The following ERGIC2 variants were observed in gnomAD, a reference collection of about 807,000 sequenced individuals.
ERGIC2 encodes the protein endoplasmic reticulum-Golgi intermediate compartment protein 2.
In ERGIC2, 31 loss-of-function variants were observed where a neutral mutation model predicts 52.5. The observed-to-expected ratio is 0.59, with a 90% CI of 0.44 to 0.80. The LOEUF (loss-of-function observed/expected upper bound fraction) is 0.80. Ranked by LOEUF, ERGIC2 falls within the 30% of genes least tolerant of loss-of-function variation. The probability of loss-of-function intolerance (pLI) is 0.00; values close to 1 mark genes in which losing one functional copy is unlikely to be tolerated. For synonymous variants in ERGIC2, 129 were observed against 140.6 expected, an observed-to-expected ratio of 0.92 and a Z score of 0.58; for missense variants, 395 against 455.2, an observed-to-expected ratio of 0.87 and a Z score of 1.20.
chr12:29,361,753 AT>A, intron 5 of ERGIC2, 68 bp from the exon 6 acceptor site: 1 of 1,365,484 alleles, frequency 7.3e-7, no homozygotes, highest in Non-Finnish European at 1.0e-6. Flanking sequence ...ATAATTTAAA[AT>A]TTTTTCTTTG....
chr12:29,354,770 A>G (rs1940179317), intron 8 of ERGIC2, among the ~76,000 whole-genome samples: 1 of 152,168 alleles, frequency 6.6e-6, no homozygotes, highest in African/African-American at 2.4e-5. Flanking sequence ...AAAGGGACAT[A>G]ATATAGAGTC....
chr12:29,341,769 G>A lies in ERGIC2; in HGVS notation c.1036C>T (p.Arg346Cys), dbSNP rs750621603. 8 of 1,601,316 alleles carry A rather than the reference G, an allele frequency of 5.0e-6. No homozygotes were observed. Among genetic ancestry groups the A allele is most frequent in the South Asian group, 2.2e-5 (2 of 90,786 alleles). ...GKFIVEIICC[R>C]FRLGSYKPVN... ...GGTTTATAGGATCCAAGTCTGAAAC[G>A]ACAGCAAATTATTTCAACTATAAAT... The change falls in exon 13 of 14, where the codon CGT becomes TGT. Residue 346 changes from arginine to cysteine, a missense_variant. By Grantham distance (180) the Arg-to-Cys change is radical. Coordinates refer to ENST00000360150, the MANE Select transcript of ERGIC2 (RefSeq NM_016570.3).
chr12:29,354,700 G>A (rs1471725890), intron 8 of ERGIC2, among the ~76,000 whole-genome samples: 1 of 152,160 alleles, frequency 6.6e-6, no homozygotes, highest in Non-Finnish European at 1.5e-5. Context: ...CTCTCTGATA[G>A]TGTGAGTTAC....
chr12:29,372,626 G>A (rs998470012), intron 1 of ERGIC2: 1 of 151,872 alleles, frequency 6.6e-6, no homozygotes, highest in Non-Finnish European at 1.5e-5. Flanking sequence ...AAATTAAGGT[G>A]AAGCATCTTT....
chr12:29,379,107 T>A (rs1468092315), intron 1 of ERGIC2, among the ~76,000 whole-genome samples: 1 of 152,154 alleles, frequency 6.6e-6, no homozygotes, highest in Admixed American at 6.5e-5. Context: ...GATAACAGAA[T>A]AACCTTAAAA....
At chr12:29,360,971 G>A (rs1353010500) in intron 6 of ERGIC2, among the ~76,000 whole-genome samples, 2 of 152,240 alleles carry the variant, frequency 1.3e-5, no homozygotes, top group Non-Finnish European at 2.9e-5. Flanking sequence ...TTGTGGCCGG[G>A]CACAGTGGCT....
chr12:29,347,068 C>T (rs1940062729), intron 10 of ERGIC2, among the ~76,000 whole-genome samples: 1 of 152,096 alleles, frequency 6.6e-6, no homozygotes, highest in South Asian at 2.1e-4. Flanking sequence ...AAAAATTCTC[C>T]CAGATTTAAA....
chr12:29,370,107 T>A lies in ERGIC2; in HGVS notation c.215+7A>T, dbSNP rs1475959119. ...AAAGGTATTCCAAGAAGAAAAAAAATGATTACCTAGAAAAATCCTTGTCTA... is the reference window on the plus strand; with the variant it reads ...AAAGGTATTCCAAGAAGAAAAAAAAAGATTACCTAGAAAAATCCTTGTCTA... On this transcript the variant is annotated splice_region_variant and intron_variant, in intron 3 of 13. Transcript: ENST00000360150. 1.3e-6 allele frequency: 2 copies of A among 1,495,328 alleles called. No homozygotes were observed. Among genetic ancestry groups the A allele is most frequent in the Admixed American group, 2.7e-5 (1 of 36,584 alleles). 92.6% of individuals were successfully genotyped at this position (1,495,328 alleles called of 1,614,324 possible).
Position 29,338,712 on chromosome 12 carries a change from T to C in ERGIC2, c.*2444A>G, listed in dbSNP as rs1449432769. 6.6e-6 allele frequency: 1 copy of C among 152,116 alleles called. No homozygotes were observed. Among genetic ancestry groups the C allele is most frequent in the Admixed American group, 6.5e-5 (1 of 15,270 alleles). 9.4% of individuals were successfully genotyped at this position (152,116 alleles called of 1,614,324 possible). On this transcript the variant is annotated 3_prime_UTR_variant, in exon 14 of 14. Transcript: ENST00000360150. Reference sequence around the variant, plus strand: ...GCTTTTCCTAAGAGGTAGTCTGAAGTGTACAAATACTGCAGCAGGGAATTA... The same window carrying C: ...GCTTTTCCTAAGAGGTAGTCTGAAGCGTACAAATACTGCAGCAGGGAATTA...
rs1349323126 is a variant in ERGIC2 at position 29,341,801 on chromosome 12, A to G, written c.1004T>C (p.Ile335Thr). The change falls in exon 13 of 14, where the codon ATT becomes ACT. Residue 335 changes from isoleucine to threonine, a missense_variant. Transcript: ENST00000360150. ...AATTATTTCAACTATAAATTTTCCAATTCCATGTAACATGCCTGTAATAAA... is the reference window on the plus strand; with the variant it reads ...AATTATTTCAACTATAAATTTTCCAGTTCCATGTAACATGCCTGTAATAAA... ...IFSTTGMLHGIGKFIVEIICC... is the reference protein window; with the variant it reads ...IFSTTGMLHGTGKFIVEIICC... The G allele has an allele frequency of 1.3e-5, 20 of 1,574,120 alleles. No homozygotes were observed. The highest frequency in any genetic ancestry group is 1.7e-5 in the Non-Finnish European group (20 of 1,143,704).
intron 5 of ERGIC2, among the ~76,000 whole-genome samples, chr12:29,364,931 T>C (rs1271474899): frequency 2.7e-5 from 4 of 150,212 alleles, no homozygotes; most frequent in Non-Finnish European, 4.4e-5. Flanking sequence ...AGAATGGCTA[T>C]TACTAAAAAG....
chr12:29,380,384 T>C (rs905399474), intron 1 of ERGIC2, among the ~76,000 whole-genome samples: 3 of 152,128 alleles, frequency 2.0e-5, no homozygotes, highest in Admixed American at 2.0e-4. Context: ...GGCAACATTT[T>C]AACAGCTATT....
intron 6 of ERGIC2, among the ~76,000 whole-genome samples, chr12:29,360,768 T>C (rs76383097): frequency 0.016 from 2,352 of 151,628 alleles, 55 homozygotes; most frequent in African/African-American, 0.053. Flanking sequence ...GTCAGTGGCA[T>C]TAGTTTACAG....
At chr12:29,354,281 TTC>T (rs1385792857) in intron 8 of ERGIC2, among the ~76,000 whole-genome samples, 2 of 152,224 alleles carry the variant, frequency 1.3e-5, no homozygotes, top group East Asian at 1.9e-4. Flanking sequence ...GAAGCTTATA[TTC>T]TGTTTTGTTT....
In ERGIC2 at chr12:29,357,674, T is replaced by A; in HGVS notation, c.425A>T (p.Asp142Val). The change falls in exon 7 of 14, where the codon GAT (aspartate) becomes GTT (valine). Residue 142 changes from aspartate to valine, a missense_variant. Asp to Val is a radical substitution (Grantham distance 152). Coordinates refer to ENST00000360150, the MANE Select transcript of ERGIC2 (RefSeq NM_016570.3). ...SRLQEEHSLQ[D>V]VIFKSAFKST... ...TTTAAAAGCACTTTTAAATATCACA[T>A]CTTGAAGTGAATGCTCTTCTTGTAG... The A allele has an allele frequency of 6.2e-7, 1 of 1,610,238 alleles. No homozygotes were observed. Among genetic ancestry groups the A allele is most frequent in the Non-Finnish European group, 8.5e-7 (1 of 1,176,960 alleles).
intron 10 of ERGIC2, 106 bp downstream of exon 10, chr12:29,348,973 A>G (rs3815843): frequency 0.29 from 163,879 of 573,672 alleles, 25,795 homozygotes; most frequent in African/African-American, 0.52. Flanking sequence ...CCACTTAAAG[A>G]TTATCTTTAC....
intron 2 of ERGIC2, 21 bp downstream of exon 2, chr12:29,371,507 T>G: frequency 6.6e-7 from 1 of 1,513,084 alleles, no homozygotes; most frequent in Non-Finnish European, 9.0e-7. Context: ...TACAGAACTT[T>G]TAATGTTAAC....
chr12:29,357,397 A>AC (rs2136864464), intron 7 of ERGIC2, among the ~76,000 whole-genome samples: 1 of 152,356 alleles, frequency 6.6e-6, no homozygotes, highest in African/African-American at 2.4e-5. Context: ...GTGGGGGTAT[A>AC]CCACGCATAA....
intron 5 of ERGIC2, 121 bp from the exon 6 acceptor site, chr12:29,361,806 C>A: frequency 1.7e-6 from 1 of 604,012 alleles, no homozygotes; most frequent in Non-Finnish European, 2.7e-6. Flanking sequence ...AACAAGTATT[C>A]ATGGTTTACA....
Sources: gnomAD v4.1 joint callset for allele counts (sites outside exome capture counted in the v4.1 genomes callset) on GRCh38, gnomAD v4.1.1 for gene constraint, MANE v1.5 for transcripts, NCBI Gene and HGNC (gene_info 2026-07-23, HGNC 2026-07-21) for gene names.